The following WDR17 variants were observed in gnomAD, a reference collection of about 807,000 sequenced individuals.
WDR17 encodes the protein WD repeat domain 17.
A neutral mutation model predicts 161.7 loss-of-function variants in WDR17; 143 were observed. That is an observed-to-expected ratio of 0.88 (90% CI 0.77 to 1.02). The LOEUF (loss-of-function observed/expected upper bound fraction) is 1.02. WDR17 is among the 50% of genes least tolerant of loss of function. The probability of loss-of-function intolerance (pLI) is 0.00; values close to 1 mark genes in which losing one functional copy is unlikely to be tolerated. For missense variants in WDR17, 1,469 were observed against 1,520.9 expected (o/e 0.97, Z 0.57); for synonymous variants, 517 against 515.6 (o/e 1.00, Z -0.04).
At chr4:176,080,116 G>T (rs775836936) in intron 1 of WDR17, among the ~76,000 whole-genome samples, 38 of 151,876 alleles carry the variant, frequency 2.5e-4, no homozygotes, top group Non-Finnish European at 5.4e-4. Flanking sequence ...GTCATCAGTA[G>T]CTATTTACTA....
intron 17 of WDR17, among the ~76,000 whole-genome samples, chr4:176,153,046 A>T (rs1747480361): frequency 4.6e-5 from 7 of 152,172 alleles, no homozygotes; most frequent in Admixed American, 4.6e-4. Flanking sequence ...GGACAGCAGC[A>T]TTGGCATCAC....
chr4:176,089,408 T>C (rs1735827484), intron 1 of WDR17, among the ~76,000 whole-genome samples: 1 of 152,214 alleles, frequency 6.6e-6, no homozygotes, highest in Non-Finnish European at 1.5e-5. Context: ...TATAGTACCC[T>C]AATGTAGTAT....
At chr4:176,179,280 A>C (rs952425829) in intron 28 of WDR17, among the ~76,000 whole-genome samples, 180 bp from the exon 29 acceptor site, 2 of 152,192 alleles carry the variant, frequency 1.3e-5, no homozygotes, top group Non-Finnish European at 2.9e-5. Flanking sequence ...AGACATTTGA[A>C]AATGTTTCTA....
At chr4:176,128,160 A>G (rs1742756572) in intron 5 of WDR17, among the ~76,000 whole-genome samples, 1 of 152,202 alleles carries the variant, frequency 6.6e-6, no homozygotes, top group South Asian at 2.1e-4. Flanking sequence ...AATTCTGTTG[A>G]GTATTTCTCA....
intron 1 of WDR17, among the ~76,000 whole-genome samples, chr4:176,077,643 A>G (rs1298220860): frequency 6.6e-6 from 1 of 152,082 alleles, no homozygotes; most frequent in African/African-American, 2.4e-5. Context: ...GGCAACAGAA[A>G]ATACACTCAT....
At chr4:176,091,961 T>C (rs1446449753) in intron 1 of WDR17, among the ~76,000 whole-genome samples, 2 of 151,932 alleles carry the variant, frequency 1.3e-5, no homozygotes, top group Non-Finnish European at 2.9e-5. Context: ...TAATAAAAAG[T>C]CTCCCATCAG....
In WDR17 at chr4:176,139,867, G is replaced by A. The variant is rs538520852; in HGVS notation, c.1360-25G>A. 5.1e-6 allele frequency: 8 copies of A among 1,562,824 alleles called. No individual in the cohort carries two copies. In the African/African-American group the frequency reaches 1.1e-4, roughly 21 times the overall value. ...AAAAAGGGGTGAATTATTTCTTATTGATAGGTATTTTACATTTTTTGAAGC... is the reference window on the plus strand; with the variant it reads ...AAAAAGGGGTGAATTATTTCTTATTAATAGGTATTTTACATTTTTTGAAGC... On this transcript the variant is annotated intron_variant, in intron 9 of 28. Transcript: ENST00000508596.
intron 10 of WDR17, among the ~76,000 whole-genome samples, chr4:176,141,408 C>T (rs975484501): frequency 3.3e-5 from 5 of 152,112 alleles, no homozygotes; most frequent in African/African-American, 1.2e-4. Context: ...ATGTATTACA[C>T]TATGTTTTCC....
intron 1 of WDR17, among the ~76,000 whole-genome samples, chr4:176,091,467 C>A (rs1736112710): frequency 6.6e-6 from 1 of 151,900 alleles, no homozygotes; most frequent in Non-Finnish European, 1.5e-5. Flanking sequence ...ACACAACATA[C>A]CAAAACCTGT....
chr4:176,086,277 G>A (rs1735403982), intron 1 of WDR17, among the ~76,000 whole-genome samples: 1 of 151,806 alleles, frequency 6.6e-6, no homozygotes, highest in Non-Finnish European at 1.5e-5. Flanking sequence ...TCATTATTGG[G>A]TACAGTATCA....
chr4:176,177,734 A>C (rs1473872235), intron 28 of WDR17, 80 bp downstream of exon 28: 5 of 1,430,974 alleles, frequency 3.5e-6, no homozygotes, highest in Non-Finnish European at 9.3e-7. Flanking sequence ...AAATAAGCCT[A>C]ATTTGGATAA....
chr4:176,159,941 C>A, intron 18 of WDR17, 53 bp from the exon 19 acceptor site: 1 of 1,451,648 alleles, frequency 6.9e-7, no homozygotes, highest in Non-Finnish European at 9.2e-7. Context: ...CTCAATTCAC[C>A]TAAAAACCTT....
At chr4:176,127,617 T>A (rs1371785642) in intron 5 of WDR17, among the ~76,000 whole-genome samples, 1 of 152,168 alleles carries the variant, frequency 6.6e-6, no homozygotes, top group African/African-American at 2.4e-5. Context: ...GAAATTGTTT[T>A]GTATTTTATT....
At chr4:176,154,777 G>T (rs1747801087) in intron 17 of WDR17, among the ~76,000 whole-genome samples, 1 of 152,074 alleles carries the variant, frequency 6.6e-6, no homozygotes, top group Non-Finnish European at 1.5e-5. Flanking sequence ...CAATTTTCTA[G>T]TGATAATTGC....
intron 1 of WDR17, among the ~76,000 whole-genome samples, chr4:176,093,808 C>A (rs187090363): frequency 2.0e-5 from 3 of 152,214 alleles, no homozygotes; most frequent in Admixed American, 2.0e-4. Context: ...GAACCAGATC[C>A]CATCTATTCT....
At chr4:176,080,449 A>T (rs766293495) in intron 1 of WDR17, among the ~76,000 whole-genome samples, 5 of 152,078 alleles carry the variant, frequency 3.3e-5, no homozygotes, top group East Asian at 3.9e-4. Flanking sequence ...AAAAGATTTT[A>T]AAAAAACAAT....
At position 176,163,787 on chromosome 4, in the gene WDR17, T is replaced by C. The variant is rs1027225908; in HGVS notation, c.2990+494T>C. On this transcript the variant is annotated intron_variant, in intron 22 of 28. Coordinates refer to ENST00000508596, the MANE Select transcript of WDR17 (RefSeq NM_181265.4). Reference sequence around the variant, plus strand: ...AAGAGACCCTGGGAATTACCTGGGGTAGCCCGGAAATCCAGGGCAAAGCAA... The same window carrying C: ...AAGAGACCCTGGGAATTACCTGGGGCAGCCCGGAAATCCAGGGCAAAGCAA... 4.6e-5 allele frequency among the ~76,000 whole-genome samples: 7 copies of C among 152,160 alleles called. No individual in the cohort carries two copies. The East Asian group carries it at 1.3e-3, about 29-fold the overall frequency.
intron 18 of WDR17, among the ~76,000 whole-genome samples, chr4:176,159,116 T>G (rs1027693168): frequency 1.3e-5 from 2 of 152,182 alleles, no homozygotes; most frequent in Admixed American, 6.5e-5. Context: ...ACCCAAAGAT[T>G]AAAAATTGAA....
rs141371313 is a variant in WDR17, at chr4:176,156,097, A to G, written c.2479A>G (p.Ile827Val). ...ATTGTAGTGGGACAAAGCCCTGTCA[A>G]TTGCACCAGGAGTCTCTGTGAAATA... ...ELGEWDKALSIAPGVSVKYWK... is the reference protein window; with the variant it reads ...ELGEWDKALSVAPGVSVKYWK... Residue 827 changes from isoleucine to valine, a missense_variant, in exon 18 of 29, where the codon ATT becomes GTT. Physicochemically the swap from Ile to Val is conservative, Grantham distance 29 (BLOSUM62 3). Coordinates refer to ENST00000508596, the MANE Select transcript of WDR17 (RefSeq NM_181265.4). 3 of 1,613,728 alleles carry G rather than the reference A, an allele frequency of 1.9e-6. No individual in the cohort carries two copies. The highest frequency in any genetic ancestry group is 2.2e-5 in the East Asian group (1 of 44,820).
Sources: allele counts gnomAD v4.1 joint callset (sites outside exome capture counted in the v4.1 genomes callset), GRCh38; gene constraint gnomAD v4.1.1; transcripts MANE v1.5; gene names NCBI Gene and HGNC (gene_info 2026-07-23, HGNC 2026-07-21).